GPR160: variants seen among roughly 807,000 people sequenced by gnomAD.
The protein encoded by GPR160 is G protein-coupled receptor 160.
In GPR160, 2 loss-of-function variants were observed where a neutral mutation model predicts 2.6. The ratio of observed to expected loss-of-function variants is 0.77; its 90% CI spans 0.32 to 2.44. GPR160 has a LOEUF of 2.44. Ranked by LOEUF, GPR160 falls within the 30% of genes most tolerant of loss-of-function variation. GPR160 has a pLI of 0.11. For missense variants in GPR160, 351 were observed against 383.6 expected, an observed-to-expected ratio of 0.91 and a Z score of 0.71; for synonymous variants, 130 against 132.2, an observed-to-expected ratio of 0.98 and a Z score of 0.12.
chr3:170,071,198 C>T (rs1315147549), intron 2 of GPR160, among the ~76,000 whole-genome samples: 4 of 152,166 alleles, frequency 2.6e-5, no homozygotes, highest in African/African-American at 9.7e-5. Context: ...AATGTGCTCT[C>T]CCATGTTGGA....
At chr3:170,071,940 C>A (rs1409218407) in intron 2 of GPR160, among the ~76,000 whole-genome samples, 1 of 151,662 alleles carries the variant, frequency 6.6e-6, no homozygotes, top group Non-Finnish European at 1.5e-5. Flanking sequence ...ATTTTTGTTG[C>A]TGAGAAGTAT....
At chr3:170,069,656 C>T (rs964732945) in intron 2 of GPR160, among the ~76,000 whole-genome samples, 3 of 152,114 alleles carry the variant, frequency 2.0e-5, no homozygotes, top group African/African-American at 7.2e-5. Flanking sequence ...AACCAGTGGT[C>T]GATCCTGCCC....
At chr3:170,062,843 T>A in intron 2 of GPR160, 2 of 520,386 alleles carry the variant, frequency 3.8e-6, no homozygotes, top group Non-Finnish European at 3.5e-6. Flanking sequence ...AAAGAAGGAG[T>A]GAAGACTGAC....
chr3:170,062,928 G>T (rs756659687), intron 2 of GPR160: 4 of 336,604 alleles, frequency 1.2e-5, no homozygotes, highest in Admixed American at 4.3e-5. Flanking sequence ...GAAAAGCACC[G>T]GAGCCTCACG....
intron 2 of GPR160, among the ~76,000 whole-genome samples, chr3:170,046,815 G>T (rs561474395): frequency 6.6e-6 from 1 of 152,306 alleles, no homozygotes; most frequent in East Asian, 1.9e-4. Flanking sequence ...AGGAGAGGAG[G>T]TACAGAAGTG....
intron 2 of GPR160, among the ~76,000 whole-genome samples, chr3:170,045,353 A>G (rs937419129): frequency 1.5e-4 from 21 of 140,186 alleles, no homozygotes; most frequent in African/African-American, 4.8e-4. Context: ...TAGTGAGGTC[A>G]GGAAATCGAG....
intron 2 of GPR160, chr3:170,062,817 G>A (rs1712037546): frequency 1.7e-6 from 1 of 601,592 alleles, no homozygotes; most frequent in Non-Finnish European, 3.0e-6. Context: ...AGATGAATTG[G>A]TTGAAAGCGG....
intron 2 of GPR160, among the ~76,000 whole-genome samples, chr3:170,056,711 C>T (rs953013175): frequency 2.6e-5 from 4 of 152,060 alleles, no homozygotes; most frequent in Admixed American, 6.5e-5. Flanking sequence ...AATGGGGTAC[C>T]GTATTTATAA....
intron 2 of GPR160, among the ~76,000 whole-genome samples, chr3:170,074,409 A>G (rs1319073923): frequency 2.0e-5 from 3 of 151,952 alleles, no homozygotes; most frequent in African/African-American, 4.8e-5. Context: ...TCCCCTAAAG[A>G]AGCAGTTTTG....
At chr3:170,043,908 C>T (rs1716573502) in intron 2 of GPR160, among the ~76,000 whole-genome samples, 1 of 151,956 alleles carries the variant, frequency 6.6e-6, no homozygotes, top group Non-Finnish European at 1.5e-5. Context: ...AAGGGTAGTA[C>T]ATCCCAGTCC....
At position 170,084,220 on chromosome 3, in the gene GPR160, T is replaced by C; in HGVS notation, c.248T>C (p.Val83Ala). 6.2e-7 allele frequency: 1 copy of C among 1,602,124 alleles called. No individual in the cohort carries two copies. The highest frequency in any genetic ancestry group is 8.5e-7 in the Non-Finnish European group (1 of 1,172,968). Reference protein sequence around the residue: ...ISIILYFRDFVLLSIRFTKYH... With the variant: ...ISIILYFRDFALLSIRFTKYH... ...ATTATATTGTATTTCAGGGATTTTG[T>C]ACTTTTAAGCATTAGGTTCACTAAA... Residue 83 changes from valine to alanine, a missense_variant, in exon 4 of 4, where the codon GTA (valine) becomes GCA (alanine). Coordinates refer to ENST00000355897, the MANE Select transcript of GPR160 (RefSeq NM_014373.3).
At chr3:170,066,130 C>CTTTTTTTTTTTTTTTTTTT (rs768660597) in intron 2 of GPR160, among the ~76,000 whole-genome samples, 51 of 85,210 alleles carry the variant, frequency 6.0e-4, no homozygotes, top group African/African-American at 9.8e-4. Context: ...TTTTCTTTTT[C>CTTTTTTTTTTTTTTTTTTT]TTTTTTTTTT....
intron 2 of GPR160, among the ~76,000 whole-genome samples, chr3:170,053,588 T>A (rs1040019246): frequency 4.6e-5 from 7 of 152,196 alleles, no homozygotes; most frequent in Non-Finnish European, 8.8e-5. Flanking sequence ...TTTCTTTTAT[T>A]TTCTCGCCTT....
intron 2 of GPR160, among the ~76,000 whole-genome samples, chr3:170,061,509 A>G (rs533131558): frequency 6.6e-6 from 1 of 152,236 alleles, no homozygotes; most frequent in Non-Finnish European, 1.5e-5. Context: ...CAGTTTTAAT[A>G]TGGACTATGT....
chr3:170,084,118 A>C lies in GPR160; in HGVS notation c.146A>C (p.Asn49Thr). 2 of 1,595,764 alleles carry C rather than the reference A, an allele frequency of 1.3e-6. No homozygotes were observed. The highest frequency in any genetic ancestry group is 8.5e-7 in the Non-Finnish European group (1 of 1,171,736). ...NILTLGMRRK[N>T]TCQNFMEYFC... ...CTTACACTAGGAATGAGAAGAAAAA[A>C]CACCTGTCAAAATTTTATGGAATAT... The change falls in exon 4 of 4, where the codon AAC (asparagine) becomes ACC (threonine). Residue 49 changes from asparagine (N) to threonine (T), a missense_variant. Coordinates refer to ENST00000355897, the MANE Select transcript of GPR160 (RefSeq NM_014373.3).
intron 2 of GPR160, chr3:170,062,808 G>C (rs1017476906): frequency 7.8e-6 from 5 of 641,934 alleles, no homozygotes; most frequent in Non-Finnish European, 1.4e-5. Context: ...GGAAAGAATA[G>C]ATGAATTGGT....
intron 2 of GPR160, among the ~76,000 whole-genome samples, chr3:170,062,081 G>A (rs1290060970): frequency 6.6e-6 from 1 of 152,194 alleles, no homozygotes; most frequent in Non-Finnish European, 1.5e-5. Context: ...GCCATCCATT[G>A]TAAGACATCA....
intron 2 of GPR160, among the ~76,000 whole-genome samples, chr3:170,060,086 C>A (rs1263633976): frequency 6.6e-6 from 1 of 151,808 alleles, no homozygotes; most frequent in Non-Finnish European, 1.5e-5. Context: ...AAAAAAATGA[C>A]CAGAAGTACA....
At chr3:170,061,430 A>G (rs2108327224) in intron 2 of GPR160, among the ~76,000 whole-genome samples, 1 of 152,270 alleles carries the variant, frequency 6.6e-6, no homozygotes, top group East Asian at 1.9e-4. Flanking sequence ...TGGACTATGT[A>G]TTAGATACTA....
Sources: allele counts gnomAD v4.1 joint callset (sites outside exome capture counted in the v4.1 genomes callset), GRCh38; gene constraint gnomAD v4.1.1; transcripts MANE v1.5; gene names NCBI Gene and HGNC (gene_info 2026-07-23, HGNC 2026-07-21).